Variants in URB2 observed in about 807,000 individuals in gnomAD.
URB2 encodes unhealthy ribosome biogenesis protein 2 homolog.
Under a neutral mutation model 120.9 loss-of-function variants are expected in URB2, and 86 were observed. That is an observed-to-expected ratio of 0.71 (90% confidence interval 0.60 to 0.85). The LOEUF (loss-of-function observed/expected upper bound fraction) is 0.85. URB2 is among the 40% of genes least tolerant of loss of function. URB2 has a pLI of 0.00. For missense variants in URB2, 1,765 were observed against 1,836.5 expected (o/e 0.96, Z 0.71); for synonymous variants, 755 against 758.4 (o/e 1.00, Z 0.07).
At chr1:229,651,145 C>G in intron 7 of URB2, 90 bp from the exon 8 acceptor site, 1 of 1,262,304 alleles carries the variant, frequency 7.9e-7, no homozygotes, top group African/African-American at 1.5e-5. Flanking sequence ...ATAGACTAGG[C>G]TAAGAAAGAA....
In URB2 at chr1:229,636,499, C is replaced by G. The variant is rs746237231; in HGVS notation, c.1886C>G (p.Ser629Cys). 1.8e-5 allele frequency: 29 copies of G among 1,614,230 alleles called. No homozygotes were observed. The highest frequency in any genetic ancestry group is 2.0e-5 in the Non-Finnish European group (24 of 1,180,040). Residue 629 changes from serine (S) to cysteine (C), a missense_variant, in exon 4 of 10, where the codon TCT becomes TGT. Ser to Cys is a moderately radical substitution (Grantham distance 112). Transcript: ENST00000258243. ...MFSLNCSQYHSMSGPLIGVAL... is the reference protein window; with the variant it reads ...MFSLNCSQYHCMSGPLIGVAL... Reference sequence around the variant, plus strand: ...AGTTTGAACTGTAGCCAGTATCACTCTATGTCTGGGCCCCTTATAGGTGTT... The same window carrying G: ...AGTTTGAACTGTAGCCAGTATCACTGTATGTCTGGGCCCCTTATAGGTGTT...
rs113649015 is a variant in URB2 at position 229,638,355 on chromosome 1, C to T, written c.3634+108C>T. On this transcript the variant is annotated intron_variant, in intron 4 of 9. Transcript: ENST00000258243. The stretch of plus-strand genomic sequence containing the variant: ...AACACGTGATGTGTTCAAAAGGTAC[C>T]ACATGTGCGGCTGGGTGCGGTGGCT... The T allele has an allele frequency of 1.5e-5, 20 of 1,311,564 alleles. No individual in the cohort carries two copies. In the African/African-American group the frequency reaches 2.4e-4, roughly 16 times the overall value. 81.2% of individuals were successfully genotyped at this position (1,311,564 alleles called of 1,614,324 possible).
At chr1:229,648,927 T>C (rs534810773) in intron 7 of URB2, among the ~76,000 whole-genome samples, 1 of 152,356 alleles carries the variant, frequency 6.6e-6, no homozygotes, top group East Asian at 1.9e-4. Flanking sequence ...ACCTAGGCTA[T>C]GGGGTATAGC....
At chr1:229,658,474 T>C (rs1323184627) in intron 9 of URB2, among the ~76,000 whole-genome samples, 1 of 152,224 alleles carries the variant, frequency 6.6e-6, no homozygotes, top group Non-Finnish European at 1.5e-5. Flanking sequence ...CATATTGTGC[T>C]GTTCTTGACA....
At position 229,637,955 on chromosome 1, in the gene URB2, G is replaced by C; in HGVS notation, c.3342G>C (p.Ser1114=). The change falls in exon 4 of 10, where the codon TCG becomes TCC. Residue 1114 remains serine (S), a synonymous_variant. Transcript: ENST00000258243. ...GGGCCCGGGGCTGGCGCCTTCCCTCGGTCCTCATCTCATCCGTCAGCACGC... is the reference window on the plus strand; with the variant it reads ...GGGCCCGGGGCTGGCGCCTTCCCTCCGTCCTCATCTCATCCGTCAGCACGC... The part of the protein sequence containing the change: ...VPGARGWRLP[S]VLISSVSTLL... 2 of 1,613,500 alleles carry C rather than the reference G, an allele frequency of 1.2e-6. No individual in the cohort carries two copies. The highest frequency in any genetic ancestry group is 1.7e-6 in the Non-Finnish European group (2 of 1,179,788).
chr1:229,643,844 C>G, intron 5 of URB2, 151 bp downstream of exon 5: 2 of 1,116,520 alleles, frequency 1.8e-6, no homozygotes, highest in Non-Finnish European at 2.5e-6. Flanking sequence ...GAGAGGGAGC[C>G]CTGGCCTGTG....
Position 229,635,636 on chromosome 1 carries a change from G to A in URB2, c.1023G>A (p.Gln341=). The change falls in exon 4 of 10, where the codon CAG becomes CAA. Residue 341 remains glutamine, a synonymous_variant. Coordinates refer to ENST00000258243, the MANE Select transcript of URB2 (RefSeq NM_014777.4). ...GCTGCTTGAAGATTTCACACCTGCA[G>A]GAGGAGCAGAGCAAAGCCCTGTCCA... ...LFGCLKISHL[Q]EEQSKALSTS... The A allele has an allele frequency of 1.2e-6, 2 of 1,614,104 alleles. No individual in the cohort carries two copies. Among genetic ancestry groups the A allele is most frequent in the Non-Finnish European group, 1.7e-6 (2 of 1,180,020 alleles).
chr1:229,634,331 A>G (rs1026110228), intron 3 of URB2, among the ~76,000 whole-genome samples: 1 of 151,546 alleles, frequency 6.6e-6, no homozygotes, highest in African/African-American at 2.4e-5. Flanking sequence ...TCAGCCTCCC[A>G]AGTAGCTGGG....
In URB2 at chr1:229,638,231, G is replaced by A. The variant is rs1665908125; in HGVS notation, c.3618G>A (p.Val1206=). The A allele has an allele frequency of 1.2e-6, 2 of 1,604,012 alleles. No individual in the cohort carries two copies. Among genetic ancestry groups the A allele is most frequent in the Non-Finnish European group, 1.7e-6 (2 of 1,174,862 alleles). Residue 1206 remains valine, a synonymous_variant, in exon 4 of 10, where the codon GTG becomes GTA. Coordinates refer to ENST00000258243, the MANE Select transcript of URB2 (RefSeq NM_014777.4). ...DSVFTSMFHS[V]RRVLADPEIP... ...TGTTTACCTCCATGTTTCATTCTGTGAGAAGAGTTCTTGCAGGTAAGATAT... is the reference window on the plus strand; with the variant it reads ...TGTTTACCTCCATGTTTCATTCTGTAAGAAGAGTTCTTGCAGGTAAGATAT...
intron 5 of URB2, among the ~76,000 whole-genome samples, chr1:229,645,341 A>G (rs139923992): frequency 1.2e-3 from 188 of 151,870 alleles, no homozygotes; most frequent in Non-Finnish European, 1.4e-3. Context: ...CTCTCCCACC[A>G]TATATTTTGA....
rs1179278162 is a variant in URB2 at position 229,636,628 on chromosome 1, A to G, written c.2015A>G (p.Tyr672Cys). Residue 672 changes from tyrosine (Y) to cysteine (C), a missense_variant, in exon 4 of 10, where the codon TAT (tyrosine) becomes TGT (cysteine). Tyr to Cys is a radical substitution (Grantham distance 194). Transcript: ENST00000258243. ...FTAQFSSLGTYCLEQLYLQKM... is the reference protein window; with the variant it reads ...FTAQFSSLGTCCLEQLYLQKM... ...GCTCAGTTCAGCTCTCTTGGTACAT[A>G]TTGCTTAGAACAGCTGTACCTGCAG... 1 of 1,614,226 alleles carries G rather than the reference A, an allele frequency of 6.2e-7. No individual in the cohort carries two copies. The highest frequency in any genetic ancestry group is 8.5e-7 in the Non-Finnish European group (1 of 1,180,046).
chr1:229,629,448 A>G (rs1221800113), intron 2 of URB2, among the ~76,000 whole-genome samples: 2 of 152,218 alleles, frequency 1.3e-5, no homozygotes, highest in African/African-American at 4.8e-5. Context: ...GTTCCACGTC[A>G]CTGAAATAGA....
At chr1:229,633,914 C>T (rs998694504) in intron 3 of URB2, among the ~76,000 whole-genome samples, 1 of 152,028 alleles carries the variant, frequency 6.6e-6, no homozygotes, top group African/African-American at 2.4e-5. Context: ...TCACTGGAAC[C>T]TCTGCCTCCT....
At chr1:229,632,514 T>TAA in intron 3 of URB2, 69 bp downstream of exon 3, 1 of 1,342,530 alleles carries the variant, frequency 7.4e-7, no homozygotes, top group Non-Finnish European at 9.9e-7. Context: ...GCTGGAAACT[T>TAA]GTTTTAGTGT....
chr1:229,645,111 C>T (rs1174841201), intron 5 of URB2, among the ~76,000 whole-genome samples: 2 of 151,776 alleles, frequency 1.3e-5, no homozygotes, highest in African/African-American at 4.8e-5. Context: ...ATAGTGAAAC[C>T]CCGTCCCTGC....
rs1180944795 is a variant in URB2 at position 229,637,370 on chromosome 1, T to C, written c.2757T>C (p.Leu919=). Residue 919 remains leucine, a synonymous_variant, in exon 4 of 10, where the codon CTT becomes CTC. Transcript: ENST00000258243. ...LLPPYHVHYF[L]VLLSMAVTKL... ...CACCCTATCATGTGCATTATTTTCTTGTGTTACTGTCCATGGCCGTCACCA... is the reference window on the plus strand; with the variant it reads ...CACCCTATCATGTGCATTATTTTCTCGTGTTACTGTCCATGGCCGTCACCA... 2 of 1,614,178 alleles carry C rather than the reference T, an allele frequency of 1.2e-6. No individual in the cohort carries two copies. The highest frequency in any genetic ancestry group is 2.7e-5 in the African/African-American group (2 of 75,036).
chr1:229,643,018 A>G (rs1002250208), intron 4 of URB2, among the ~76,000 whole-genome samples: 3 of 152,234 alleles, frequency 2.0e-5, no homozygotes, highest in African/African-American at 7.2e-5. Context: ...AGCTAGAGAA[A>G]AGAAGATGTT....
At position 229,638,251 on chromosome 1, in the gene URB2, A is replaced by C. The variant is rs1665908929; in HGVS notation, c.3634+4A>C. ...TCTGTGAGAAGAGTTCTTGCAGGTAAGATATTTTCTCTTGAGCTAATTCTG... is the reference window on the plus strand; with the variant it reads ...TCTGTGAGAAGAGTTCTTGCAGGTACGATATTTTCTCTTGAGCTAATTCTG... On this transcript the variant is annotated splice_donor_region_variant and intron_variant, in intron 4 of 9. Transcript: ENST00000258243. 1 of 1,584,414 alleles carries C rather than the reference A, an allele frequency of 6.3e-7. No individual in the cohort carries two copies.
Position 229,637,082 on chromosome 1 carries a change from GTGTTC to G in URB2, c.2472_2476del (p.Cys824TrpfsTer5), listed in dbSNP as rs1309240881. 6.2e-7 allele frequency: 1 copy of G among 1,613,772 alleles called. No individual in the cohort carries two copies. The highest frequency in any genetic ancestry group is 1.3e-5 in the African/African-American group (1 of 74,948). On this transcript the variant is annotated frameshift_variant, in exon 4 of 10. Transcript: ENST00000258243. LOFTEE classifies it high-confidence loss of function. ...TAACCACAAGTTGCTCCAGCATTCT[GTGTTC>G]TGGTGCCCAGCGTGACTCAGGTCTT...
Sources: allele counts gnomAD v4.1 joint callset (sites outside exome capture counted in the v4.1 genomes callset), GRCh38; gene constraint gnomAD v4.1.1; transcripts MANE v1.5; gene names NCBI Gene and HGNC (gene_info 2026-07-23, HGNC 2026-07-21).